The following SMC3 variants were observed in gnomAD, a reference collection of about 807,000 sequenced individuals.
SMC3 encodes structural maintenance of chromosomes 3, also known as structural maintenance of chromosomes protein 3.
In SMC3, 20 loss-of-function variants were observed where a neutral mutation model predicts 171.8. That is an observed-to-expected ratio of 0.12 (90% CI 0.08 to 0.17). The LOEUF is 0.17. Among genes scored for constraint, SMC3 ranks in the 10% least tolerant of loss-of-function variants. The pLI, the probability that SMC3 is intolerant of heterozygous loss-of-function variation, is 1.00. For synonymous variants in SMC3, 464 were observed against 451.1 expected, an observed-to-expected ratio of 1.03 and a Z score of -0.36; for missense variants, 543 against 1,420.4, an observed-to-expected ratio of 0.38 and a Z score of 9.93.
intron 3 of SMC3, among the ~76,000 whole-genome samples, chr10:110,574,759 A>T (rs1283535590): frequency 6.6e-6 from 1 of 152,192 alleles, no homozygotes; most frequent in Non-Finnish European, 1.5e-5. Flanking sequence ...AAAGAGTTCC[A>T]CTTCCTAGGC....
At chr10:110,572,260 T>G (rs1860883459) in intron 2 of SMC3, among the ~76,000 whole-genome samples, 1 of 152,244 alleles carries the variant, frequency 6.6e-6, no homozygotes, top group South Asian at 2.1e-4. Flanking sequence ...AGGGATGTTC[T>G]CTTTCATAAT....
At chr10:110,579,312 T>C (rs541630945) in intron 7 of SMC3, among the ~76,000 whole-genome samples, 1 of 152,276 alleles carries the variant, frequency 6.6e-6, no homozygotes, top group African/African-American at 2.4e-5. Flanking sequence ...TTAGAAGAAG[T>C]GATTAGGAAG....
At chr10:110,591,451 T>C (rs1233569960) in intron 17 of SMC3, among the ~76,000 whole-genome samples, 1 of 152,192 alleles carries the variant, frequency 6.6e-6, no homozygotes, top group Non-Finnish European at 1.5e-5. Flanking sequence ...AAAGCGTAAG[T>C]ACAGGATACT....
intron 22 of SMC3, among the ~76,000 whole-genome samples, 186 bp from the exon 23 acceptor site, chr10:110,600,836 T>C (rs555577485): frequency 2.2e-4 from 34 of 152,354 alleles, no homozygotes; most frequent in African/African-American, 7.9e-4. Context: ...GGTGGTTAGA[T>C]GCTTAGAAAT....
chr10:110,587,725 A>G (rs1296401328), intron 13 of SMC3, among the ~76,000 whole-genome samples: 1 of 152,090 alleles, frequency 6.6e-6, no homozygotes, highest in African/African-American at 2.4e-5. Context: ...GTAAGCTGTA[A>G]TGCTAGTTAA....
At position 110,590,486 on chromosome 10, in the gene SMC3, T is replaced by C. The variant is rs1445912504; in HGVS notation, c.1584T>C (p.Val528=). 12 of 1,613,960 alleles carry C rather than the reference T, an allele frequency of 7.4e-6. No individual in the cohort carries two copies. Among genetic ancestry groups the C allele is most frequent in the Non-Finnish European group, 1.0e-5 (12 of 1,179,916 alleles). Residue 528 remains valine, a synonymous_variant, in exon 16 of 29, where the codon GTT becomes GTC. Coordinates refer to ENST00000361804, the MANE Select transcript of SMC3 (RefSeq NM_005445.4). Reference sequence around the variant, plus strand: ...GTCGAAAAGGAATAAACCAGCATGTTCAAAATGGCTATCATGGTATTGTAA... The same window carrying C: ...GTCGAAAAGGAATAAACCAGCATGTCCAAAATGGCTATCATGGTATTGTAA... The part of the protein sequence containing the change: ...HFRRKGINQH[V]QNGYHGIVMN...
At chr10:110,588,072 C>G (rs1404933008) in intron 13 of SMC3, among the ~76,000 whole-genome samples, 1 of 152,122 alleles carries the variant, frequency 6.6e-6, no homozygotes, top group Non-Finnish European at 1.5e-5. Context: ...CTCACTGCAA[C>G]CTCCCCATCC....
chr10:110,599,608 A>G (rs760329378), intron 20 of SMC3, 46 bp from the exon 21 acceptor site: 3 of 1,555,454 alleles, frequency 1.9e-6, no homozygotes, highest in Non-Finnish European at 2.6e-6. Context: ...CACTATAAGT[A>G]ATACAGTGGC....
At position 110,583,370 on chromosome 10, in the gene SMC3, A is replaced by T; in HGVS notation, c.805-14A>T. On this transcript the variant is annotated splice_polypyrimidine_tract_variant and intron_variant, in intron 10 of 28. Transcript: ENST00000361804. Reference sequence around the variant, plus strand: ...TTCTAATTGCCTTATTTTCTGTTTAATACTTTTGAATAGGATATCGAACGC... The same window carrying T: ...TTCTAATTGCCTTATTTTCTGTTTATTACTTTTGAATAGGATATCGAACGC... 4 of 1,607,532 alleles carry T rather than the reference A, an allele frequency of 2.5e-6. No homozygotes were observed. Among genetic ancestry groups the T allele is most frequent in the Non-Finnish European group, 3.4e-6 (4 of 1,175,194 alleles).
chr10:110,584,336 T>C lies in SMC3; in HGVS notation c.1245T>C (p.Ala415=). 9.3e-6 allele frequency: 15 copies of C among 1,614,048 alleles called. No homozygotes were observed. Among genetic ancestry groups the C allele is most frequent in the Non-Finnish European group, 1.3e-5 (15 of 1,179,944 alleles). ...ATGACAAGAAAAGACAGATTGCTGC[T>C]ATACATAAGGATTTGGAAGACACTG... ...AINDKKRQIA[A]IHKDLEDTEA... The change falls in exon 13 of 29, where the codon GCT becomes GCC. Residue 415 remains alanine, a synonymous_variant. Coordinates refer to ENST00000361804, the MANE Select transcript of SMC3 (RefSeq NM_005445.4).
At chr10:110,585,172 G>A (rs1470012108) in intron 13 of SMC3, among the ~76,000 whole-genome samples, 1 of 151,744 alleles carries the variant, frequency 6.6e-6, no homozygotes, top group African/African-American at 2.4e-5. Flanking sequence ...TAGAGATGGG[G>A]TTTCTCCATG....
chr10:110,596,598 T>C (rs1383290268), intron 19 of SMC3, 48 bp downstream of exon 19: 8 of 1,566,170 alleles, frequency 5.1e-6, no homozygotes, highest in Non-Finnish European at 7.0e-6. Context: ...GGGGAAGAAC[T>C]GTGTTTTGGT....
At chr10:110,578,146 T>C (rs897945072) in intron 6 of SMC3, among the ~76,000 whole-genome samples, 4 of 152,054 alleles carry the variant, frequency 2.6e-5, no homozygotes, top group African/African-American at 9.7e-5. Context: ...CAGTCTCGGC[T>C]CACTGCAACC....
At chr10:110,570,997 C>G (rs902956416) in intron 2 of SMC3, among the ~76,000 whole-genome samples, 1 of 152,166 alleles carries the variant, frequency 6.6e-6, no homozygotes, top group Non-Finnish European at 1.5e-5. Flanking sequence ...AAAAATATCT[C>G]TTGTACTGAT....
At chr10:110,601,159 T>C (rs765500544) in intron 23 of SMC3, 29 bp downstream of exon 23, 2 of 1,480,098 alleles carry the variant, frequency 1.4e-6, no homozygotes, top group Non-Finnish European at 1.9e-6. Flanking sequence ...AAATTTTGTT[T>C]ATATGCATGT....
intron 16 of SMC3, 136 bp downstream of exon 16, chr10:110,590,708 G>T: frequency 1.3e-6 from 1 of 771,310 alleles, no homozygotes; most frequent in Non-Finnish European, 2.1e-6. Flanking sequence ...AATTAAAGAA[G>T]TAGATGCTAA....
At chr10:110,572,570 T>C (rs1365612271) in intron 2 of SMC3, among the ~76,000 whole-genome samples, 4 of 152,196 alleles carry the variant, frequency 2.6e-5, no homozygotes, top group African/African-American at 9.6e-5. Context: ...TGACTCTTAT[T>C]GATGATATTA....
At chr10:110,581,131 A>T in intron 8 of SMC3, 110 bp downstream of exon 8, 1 of 744,036 alleles carries the variant, frequency 1.3e-6, no homozygotes, top group South Asian at 1.4e-5. Context: ...ACAGCATTAG[A>T]TAATGCTGTT....
chr10:110,582,784 G>T, intron 10 of SMC3, 142 bp downstream of exon 10: 1 of 689,138 alleles, frequency 1.5e-6, no homozygotes. Flanking sequence ...TCCTCTTGCC[G>T]CAGCTTCCTG....
Sources: allele counts gnomAD v4.1 joint callset (sites outside exome capture counted in the v4.1 genomes callset), GRCh38; gene constraint gnomAD v4.1.1; transcripts MANE v1.5; gene names NCBI Gene and HGNC (gene_info 2026-07-23, HGNC 2026-07-21).